The following ZP3 variants were observed in gnomAD, a reference collection of about 807,000 sequenced individuals.
ZP3 encodes zona pellucida sperm-binding protein 3.
In ZP3, 21 loss-of-function variants were observed where a neutral mutation model predicts 35.6. The observed-to-expected ratio is 0.59, with a 90% CI of 0.42 to 0.85. The LOEUF (loss-of-function observed/expected upper bound fraction) is 0.85, where lower values mean the gene tolerates loss of function less well. Among genes scored for constraint, ZP3 ranks in the 40% least tolerant of loss-of-function variants. The pLI is 0.00. For missense variants in ZP3, 437 were observed against 536.5 expected (o/e 0.81, Z 1.83); for synonymous variants, 207 against 214.5 (o/e 0.96, Z 0.31).
At chr7:76,436,482 G>T (rs1424786533) in intron 5 of ZP3, among the ~76,000 whole-genome samples, 1 of 152,268 alleles carries the variant, frequency 6.6e-6, no homozygotes, top group South Asian at 2.1e-4. Context: ...AGGCTCATAC[G>T]TCAGGGTGGC....
At chr7:76,426,484 G>A (rs1805655978) in intron 1 of ZP3, among the ~76,000 whole-genome samples, 1 of 152,164 alleles carries the variant, frequency 6.6e-6, no homozygotes, top group African/African-American at 2.4e-5. Flanking sequence ...TCCGGCCAGA[G>A]CTCTGGTCTT....
At chr7:76,427,216 G>C (rs899721145) in intron 1 of ZP3, among the ~76,000 whole-genome samples, 15 of 151,970 alleles carry the variant, frequency 9.9e-5, no homozygotes, top group African/African-American at 3.4e-4. Flanking sequence ...GTTTTGCCCG[G>C]TGAGAATCAC....
chr7:76,413,811 C>T (rs933736101), intron 1 of ZP3, among the ~76,000 whole-genome samples: 9 of 151,770 alleles, frequency 5.9e-5, no homozygotes, highest in South Asian at 2.1e-4. Flanking sequence ...GGACTACAGG[C>T]GTGCGCCACC....
At chr7:76,436,864 G>A (rs558888984) in intron 5 of ZP3, among the ~76,000 whole-genome samples, 1 of 152,378 alleles carries the variant, frequency 6.6e-6, no homozygotes, top group South Asian at 2.1e-4. Context: ...GACTGAGGTG[G>A]TTTCTCAATC....
intron 1 of ZP3, among the ~76,000 whole-genome samples, chr7:76,427,005 C>T (rs532856704): frequency 1.8e-4 from 27 of 152,026 alleles, no homozygotes; most frequent in African/African-American, 5.1e-4. Flanking sequence ...CAGTGAGCTA[C>T]GATTGTGCCA....
chr7:76,409,323 T>TCACACA (rs3081030), intron 1 of ZP3: 17 of 146,428 alleles, frequency 1.2e-4, no homozygotes, highest in African/African-American at 4.0e-4. Context: ...TCTCTCTGTC[T>TCACACA]CACACACACA....
chr7:76,398,967 C>T lies in ZP3; in HGVS notation c.-67+1170C>T, dbSNP rs149076008. Among the ~76,000 whole-genome samples the T allele has an allele frequency of 4.5e-3, 688 of 152,280 alleles. 7 individuals are homozygous for T. The highest frequency in any genetic ancestry group is 0.016 in the African/African-American group (656 of 41,562). ...GGGTATGAGAGGAGAGGGTCCACAC[C>T]AGAGTCCTGGACTCCTCTAAAGCAC... On this transcript the variant is annotated intron_variant, in intron 1 of 8. Transcript: ENST00000336517.
rs952687548 is a variant in ZP3 at position 76,398,081 on chromosome 7, A to G, written c.-67+284A>G. ...CCTGGGACGTGCTGCCTTCTCATCT[A>G]CTGCAAATGACATCCTCAAGATACA... On this transcript the variant is annotated intron_variant, in intron 1 of 8. Transcript: ENST00000336517. 2.6e-5 allele frequency among the ~76,000 whole-genome samples: 4 copies of G among 151,950 alleles called. 1 individual carries two copies. The highest frequency in any genetic ancestry group is 1.5e-5 in the Non-Finnish European group (1 of 67,964).
Position 76,433,576 on chromosome 7 carries a change from G to A in ZP3, c.642G>A (p.Val214=), listed in dbSNP as rs1197711659. Reference sequence around the variant, plus strand: ...GCCACGTGCCACTGCGGTTGTTTGTGGACCACTGCGTGGCCACACCGACAC... The same window carrying A: ...GCCACGTGCCACTGCGGTTGTTTGTAGACCACTGCGTGGCCACACCGACAC... ...TGSHVPLRLF[V]DHCVATPTPD... is the part of the protein sequence containing the mutation. The change falls in exon 4 of 8, where the codon GTG becomes GTA. Residue 214 remains valine, a synonymous_variant. Coordinates refer to ENST00000394857, the MANE Select transcript of ZP3 (RefSeq NM_001110354.2). The A allele has an allele frequency of 6.2e-7, 1 of 1,614,172 alleles. No homozygotes were observed. The highest frequency in any genetic ancestry group is 2.2e-5 in the East Asian group (1 of 44,876).
At chr7:76,441,619 C>T (rs1199854580) in intron 7 of ZP3, among the ~76,000 whole-genome samples, 1 of 152,076 alleles carries the variant, frequency 6.6e-6, no homozygotes. Flanking sequence ...AACACCTGAC[C>T]TCAGGTGATC....
chr7:76,399,684 A>G (rs1415342762), intron 1 of ZP3, among the ~76,000 whole-genome samples: 2 of 151,526 alleles, frequency 1.3e-5, no homozygotes, highest in Admixed American at 6.6e-5. Context: ...CGCCCCCAAC[A>G]CCTTGCTAAT....
chr7:76,404,808 G>A (rs893448346), intron 1 of ZP3, among the ~76,000 whole-genome samples: 2 of 151,974 alleles, frequency 1.3e-5, no homozygotes, highest in Non-Finnish European at 2.9e-5. Flanking sequence ...GGTGGCTCAT[G>A]CCTGTAATCC....
chr7:76,434,290 C>T, intron 5 of ZP3, 135 bp downstream of exon 5: 1 of 424,152 alleles, frequency 2.4e-6, no homozygotes, highest in Non-Finnish European at 4.3e-6. Flanking sequence ...ACAAGTAAAG[C>T]CATGAGCTTT....
intron 4 of ZP3, 85 bp from the exon 5 acceptor site, chr7:76,433,953 C>T (rs1324507924): frequency 3.4e-6 from 3 of 881,598 alleles, no homozygotes; most frequent in Middle Eastern, 2.7e-4. Flanking sequence ...CCCACCTTGG[C>T]CTCCCAAAGT....
At chr7:76,429,221 G>T (rs894541294) in intron 1 of ZP3, 7 of 357,404 alleles carry the variant, frequency 2.0e-5, no homozygotes, top group African/African-American at 1.5e-4. Context: ...TAAAGATTCC[G>T]AGGTACAAAG....
At chr7:76,417,090 TC>T (rs1284339092) in intron 1 of ZP3, among the ~76,000 whole-genome samples, 2 of 151,754 alleles carry the variant, frequency 1.3e-5, no homozygotes, top group East Asian at 3.9e-4. Flanking sequence ...GGAGTTTCAC[TC>T]TTTTTGCCCA....
chr7:76,432,857 C>T (rs1476575139), intron 2 of ZP3, 70 bp from the exon 3 acceptor site: 5 of 1,332,086 alleles, frequency 3.8e-6, no homozygotes, highest in Non-Finnish European at 5.3e-6. Flanking sequence ...CAGTGAGATA[C>T]TCCCCATCAG....
intron 2 of ZP3, among the ~76,000 whole-genome samples, chr7:76,431,939 C>A (rs1433148213): frequency 6.6e-6 from 1 of 151,566 alleles, no homozygotes; most frequent in East Asian, 1.9e-4. Flanking sequence ...ATTCCCCTCT[C>A]AAGCATCCTG....
intron 7 of ZP3, among the ~76,000 whole-genome samples, chr7:76,441,164 T>C (rs1372608203): frequency 1.3e-5 from 2 of 150,930 alleles, no homozygotes; most frequent in African/African-American, 2.4e-5. Context: ...AGAGTAAAAC[T>C]GTCTCTCAAA....
Sources: allele counts gnomAD v4.1 joint callset (sites outside exome capture counted in the v4.1 genomes callset), GRCh38; gene constraint gnomAD v4.1.1; transcripts MANE v1.5; gene names NCBI Gene and HGNC (gene_info 2026-07-23, HGNC 2026-07-21).